MARCHF1: variants seen among roughly 807,000 people sequenced by gnomAD.
MARCHF1 encodes the protein membrane associated ring-CH-type finger 1, also known as E3 ubiquitin-protein ligase MARCHF1.
A neutral mutation model predicts 54.2 loss-of-function variants in MARCHF1; 40 were observed. The observed-to-expected ratio is 0.74, with a 90% confidence interval of 0.57 to 0.96. The LOEUF is 0.96. Among genes scored for constraint, MARCHF1 ranks in the 40% least tolerant of loss-of-function variants. The pLI, the probability that MARCHF1 is intolerant of heterozygous loss-of-function variation, is 0.00. For synonymous variants in MARCHF1, 236 were observed against 236.3 expected, an observed-to-expected ratio of 1.00 and a Z score of 0.01; for missense variants, 586 against 656.5, an observed-to-expected ratio of 0.89 and a Z score of 1.17.
intron 7 of MARCHF1, among the ~76,000 whole-genome samples, chr4:163,601,262 A>G (rs895567637): frequency 1.0e-3 from 153 of 152,298 alleles, no homozygotes; most frequent in African/African-American, 3.6e-3. Flanking sequence ...TGGTAGCAAC[A>G]AACACTGTAC....
At chr4:163,574,635 T>C (rs1291870256) in intron 8 of MARCHF1, among the ~76,000 whole-genome samples, 37 of 150,200 alleles carry the variant, frequency 2.5e-4, no homozygotes, top group Admixed American at 2.7e-4. Context: ...AGATATGCGG[T>C]GTTATTTCTG....
intron 1 of MARCHF1, among the ~76,000 whole-genome samples, chr4:164,210,798 T>C (rs1215145682): frequency 6.6e-6 from 1 of 152,046 alleles, no homozygotes; most frequent in Admixed American, 6.6e-5. Context: ...GGAAGCAACC[T>C]AAGCGTCCAT....
chr4:164,011,904 T>C (rs1753428894), intron 2 of MARCHF1, among the ~76,000 whole-genome samples: 1 of 151,766 alleles, frequency 6.6e-6, no homozygotes, highest in Admixed American at 6.6e-5. Context: ...ATGTGTTTTG[T>C]GGGGAGGGAG....
chr4:163,902,329 A>G (rs1324909094), intron 3 of MARCHF1, among the ~76,000 whole-genome samples: 2 of 152,206 alleles, frequency 1.3e-5, no homozygotes, highest in African/African-American at 4.8e-5. Flanking sequence ...CATCCTTTCT[A>G]GTGATTTGAT....
chr4:164,038,034 G>T (rs1394922655), intron 2 of MARCHF1, among the ~76,000 whole-genome samples: 1 of 152,130 alleles, frequency 6.6e-6, no homozygotes, highest in African/African-American at 2.4e-5. Flanking sequence ...AGGGAGCTTT[G>T]TTGTGATTAA....
chr4:164,142,522 C>A (rs1756573992), intron 1 of MARCHF1, among the ~76,000 whole-genome samples: 1 of 152,190 alleles, frequency 6.6e-6, no homozygotes, highest in African/African-American at 2.4e-5. Flanking sequence ...CCCCTGACCC[C>A]CCAGCAGCCT....
intron 3 of MARCHF1, among the ~76,000 whole-genome samples, chr4:163,934,682 T>C (rs1751757133): frequency 6.6e-6 from 1 of 151,552 alleles, no homozygotes; most frequent in Non-Finnish European, 1.5e-5. Context: ...CTTCTACTTC[T>C]AGTTCTCTTG....
In MARCHF1 at chr4:164,215,477, G is replaced by C. The variant is rs1731903767; in HGVS notation, c.-322-103815C>G. Reference sequence around the variant, plus strand: ...ACAGGCCAGAGTAGTCTTGGGAAATGCAACATTTGGGCAGGAAAACAAAAA... The same window carrying C: ...ACAGGCCAGAGTAGTCTTGGGAAATCCAACATTTGGGCAGGAAAACAAAAA... On this transcript the variant is annotated intron_variant, in intron 1 of 9. Transcript: ENST00000514618. 3.3e-5 allele frequency among the ~76,000 whole-genome samples: 5 copies of C among 152,240 alleles called. No homozygotes were observed. The South Asian group carries it at 1.0e-3, about 32-fold the overall frequency.
Position 163,790,580 on chromosome 4 carries a change from T to C in MARCHF1, c.111+63441A>G, listed in dbSNP as rs1561079104. 2.6e-5 allele frequency among the ~76,000 whole-genome samples: 4 copies of C among 152,280 alleles called. No individual in the cohort carries two copies. In the South Asian group the frequency reaches 8.3e-4, roughly 32 times the overall value. ...CAGTAAAATCAGATTCATCTTATCC[T>C]AGAAACTAATAGTTGAAAGTTCTTA... is the stretch of plus-strand genomic sequence containing the variant. On this transcript the variant is annotated intron_variant, in intron 4 of 9. Coordinates refer to ENST00000514618, the MANE Select transcript of MARCHF1 (RefSeq NM_001394959.1).
chr4:163,613,321 T>C lies in MARCHF1; in HGVS notation c.235A>G (p.Ile79Val). 6.2e-7 allele frequency: 1 copy of C among 1,610,282 alleles called. No individual in the cohort carries two copies. Among genetic ancestry groups the C allele is most frequent in the South Asian group, 1.1e-5 (1 of 90,258 alleles). Residue 79 changes from isoleucine to valine, a missense_variant, in exon 6 of 10, where the codon ATC becomes GTC. Physicochemically the swap from Ile to Val is conservative, Grantham distance 29. Coordinates refer to ENST00000514618, the MANE Select transcript of MARCHF1 (RefSeq NM_001394959.1). ...RLSVCPSTQD[I>V]CRSAILHDMS... ...AATTTGTTCAGCACTTACCTGCAGATGTCCTGAGTGGATGGACAGACAGAC... is the reference window on the plus strand; with the variant it reads ...AATTTGTTCAGCACTTACCTGCAGACGTCCTGAGTGGATGGACAGACAGAC...
At chr4:164,260,728 A>G (rs961697076) in intron 1 of MARCHF1, among the ~76,000 whole-genome samples, 13 of 152,366 alleles carry the variant, frequency 8.5e-5, no homozygotes, top group Middle Eastern at 3.4e-3. Context: ...ATCGAATTGT[A>G]TAACAGTATA....
At chr4:164,197,989 A>T (rs1309586987) in intron 1 of MARCHF1, among the ~76,000 whole-genome samples, 1 of 152,074 alleles carries the variant, frequency 6.6e-6, no homozygotes, top group Non-Finnish European at 1.5e-5. Context: ...GTGAATACAC[A>T]AGGCACTCCC....
chr4:164,286,511 T>C (rs1442181605), intron 1 of MARCHF1, among the ~76,000 whole-genome samples: 3 of 151,858 alleles, frequency 2.0e-5, no homozygotes, highest in Non-Finnish European at 4.4e-5. Context: ...CAGAAAAAAA[T>C]ATAAAGTTAT....
At chr4:164,267,155 C>G (rs1253524880) in intron 1 of MARCHF1, among the ~76,000 whole-genome samples, 1 of 152,072 alleles carries the variant, frequency 6.6e-6, no homozygotes, top group African/African-American at 2.4e-5. Flanking sequence ...TTCCATTAGA[C>G]CAGAAAAGAT....
At chr4:163,809,577 C>T (rs1262160739) in intron 4 of MARCHF1, among the ~76,000 whole-genome samples, 1 of 152,088 alleles carries the variant, frequency 6.6e-6, no homozygotes, top group Non-Finnish European at 1.5e-5. Flanking sequence ...GAAAAGGTCA[C>T]AATTTGTATT....
intron 2 of MARCHF1, among the ~76,000 whole-genome samples, chr4:164,087,117 C>T (rs1755207171): frequency 6.6e-6 from 1 of 152,040 alleles, no homozygotes; most frequent in Non-Finnish European, 1.5e-5. Context: ...AGATGAAGCA[C>T]AGTCAATTCA....
At chr4:163,851,253 G>A (rs1749634222) in intron 4 of MARCHF1, among the ~76,000 whole-genome samples, 1 of 152,202 alleles carries the variant, frequency 6.6e-6, no homozygotes, top group African/African-American at 2.4e-5. Flanking sequence ...GGGAACTATG[G>A]ACAAGGAAGA....
At chr4:163,553,032 C>CAA (rs778572383) in intron 8 of MARCHF1, among the ~76,000 whole-genome samples, 3,259 of 64,254 alleles carry the variant, frequency 0.051, 166 homozygotes, top group African/African-American at 0.14. Context: ...GACTCCGTCT[C>CAA]AAAAAAAAAA....
At chr4:163,898,490 C>T (rs1283075962) in intron 3 of MARCHF1, among the ~76,000 whole-genome samples, 1 of 152,144 alleles carries the variant, frequency 6.6e-6, no homozygotes, top group African/African-American at 2.4e-5. Context: ...GAGATGTTAT[C>T]TTATACCAGT....
Sources: gnomAD v4.1 joint callset for allele counts (sites outside exome capture counted in the v4.1 genomes callset) on GRCh38, gnomAD v4.1.1 for gene constraint, MANE v1.5 for transcripts, NCBI Gene and HGNC (gene_info 2026-07-23, HGNC 2026-07-21) for gene names.